TEC: variants seen among roughly 807,000 people sequenced by gnomAD.
The protein encoded by TEC is tyrosine-protein kinase Tec.
A neutral mutation model predicts 93.0 loss-of-function variants in TEC; 72 were observed. The ratio of observed to expected loss-of-function variants is 0.77; its 90% CI spans 0.64 to 0.94. The LOEUF (loss-of-function observed/expected upper bound fraction) is 0.94, where lower values mean the gene tolerates loss of function less well. Ranked by LOEUF, TEC falls within the 40% of genes least tolerant of loss-of-function variation. The pLI, the probability that TEC is intolerant of heterozygous loss-of-function variation, is 0.00. For missense variants in TEC, 630 were observed against 757.9 expected, an observed-to-expected ratio of 0.83 and a Z score of 1.98; for synonymous variants, 249 against 247.7, an observed-to-expected ratio of 1.01 and a Z score of -0.05.
At chr4:48,153,109 C>T (rs1005955621) in intron 9 of TEC, among the ~76,000 whole-genome samples, 1 of 151,740 alleles carries the variant, frequency 6.6e-6, no homozygotes, top group Admixed American at 6.6e-5. Context: ...AAAGGTATAG[C>T]AATTTCAGCA....
intron 8 of TEC, among the ~76,000 whole-genome samples, chr4:48,160,769 A>AGAAAGAAAG (rs1306160736): frequency 0.016 from 2,311 of 144,714 alleles, 35 homozygotes; most frequent in Non-Finnish European, 0.026. Flanking sequence ...AAGAAAAGAA[A>AGAAAGAAAG]AAAAGAAAGA....
At chr4:48,209,063 A>G (rs942063051) in intron 2 of TEC, among the ~76,000 whole-genome samples, 1 of 152,184 alleles carries the variant, frequency 6.6e-6, no homozygotes, top group Non-Finnish European at 1.5e-5. Context: ...GTTACTGGGT[A>G]GATATATTCC....
chr4:48,167,892 G>C lies in TEC; in HGVS notation c.557C>G (p.Ala186Gly). ...TTCTGCTGCTTGGAAATCATACATG[G>C]CTACAACGATTTCTTCACTATTATC... ...EEDNSEEIVV[A>G]MYDFQAAEGH... The change falls in exon 7 of 18, where the codon GCC becomes GGC. Residue 186 changes from alanine to glycine, a missense_variant. Ala to Gly is a moderately conservative substitution (Grantham distance 60). Around this residue, in one of 3 missense-constraint regions of TEC, gnomAD observed 335 missense variants for 351.5 expected, o/e 0.95. Coordinates refer to ENST00000381501, the MANE Select transcript of TEC (RefSeq NM_003215.3). 1 of 1,613,742 alleles carries C rather than the reference G, an allele frequency of 6.2e-7. No homozygotes were observed. Among genetic ancestry groups the C allele is most frequent in the Non-Finnish European group, 8.5e-7 (1 of 1,179,882 alleles).
At chr4:48,151,676 G>T (rs900992603) in intron 9 of TEC, among the ~76,000 whole-genome samples, 1 of 152,132 alleles carries the variant, frequency 6.6e-6, no homozygotes, top group African/African-American at 2.4e-5. Context: ...CAGTAGAGCC[G>T]GGGTTTCACT....
chr4:48,266,798 A>G (rs1223587738), intron 1 of TEC, among the ~76,000 whole-genome samples: 1 of 151,462 alleles, frequency 6.6e-6, no homozygotes, highest in Non-Finnish European at 1.5e-5. Flanking sequence ...AGATCGTGCC[A>G]TTGCATTCCA....
At chr4:48,208,223 G>C (rs80307876) in intron 2 of TEC, among the ~76,000 whole-genome samples, 37,795 of 152,038 alleles carry the variant, frequency 0.25, 5,447 homozygotes, top group Admixed American at 0.33. Flanking sequence ...CATAATATTT[G>C]GCCATGAAAG....
chr4:48,175,996 G>GCCAA, intron 3 of TEC, 86 bp downstream of exon 3: 1 of 881,738 alleles, frequency 1.1e-6, no homozygotes, highest in East Asian at 3.3e-5. Flanking sequence ...AAATCAGCCA[G>GCCAA]CAAAGCAAGG....
intron 2 of TEC, among the ~76,000 whole-genome samples, chr4:48,203,415 G>C (rs1305104811): frequency 1.3e-5 from 2 of 152,100 alleles, no homozygotes; most frequent in African/African-American, 4.8e-5. Flanking sequence ...GGTAGCACCA[G>C]TTTGCTCATT....
chr4:48,253,466 A>G (rs1262196892), intron 1 of TEC, among the ~76,000 whole-genome samples: 1 of 152,122 alleles, frequency 6.6e-6, no homozygotes, highest in Non-Finnish European at 1.5e-5. Flanking sequence ...TGTCATTTAC[A>G]AGATCATCCT....
At chr4:48,238,041 T>C (rs888012148) in intron 1 of TEC, among the ~76,000 whole-genome samples, 1 of 152,220 alleles carries the variant, frequency 6.6e-6, no homozygotes, top group Non-Finnish European at 1.5e-5. Context: ...CTGCAATATA[T>C]ACTCTCAGCT....
At chr4:48,201,720 G>A (rs1428488524) in intron 2 of TEC, among the ~76,000 whole-genome samples, 5 of 152,134 alleles carry the variant, frequency 3.3e-5, no homozygotes, top group Admixed American at 1.3e-4. Flanking sequence ...GGAAGGGGAC[G>A]GGAAGCAGAA....
At chr4:48,140,532 GC>G (rs1488616544) in intron 15 of TEC, among the ~76,000 whole-genome samples, 2 of 152,160 alleles carry the variant, frequency 1.3e-5, no homozygotes, top group Non-Finnish European at 2.9e-5. Context: ...TATGTAAAGG[GC>G]CAGATAACAC....
chr4:48,142,394 A>G (rs1382433418), intron 14 of TEC, among the ~76,000 whole-genome samples: 3 of 151,984 alleles, frequency 2.0e-5, no homozygotes, highest in Non-Finnish European at 4.4e-5. Flanking sequence ...AATTGCTTGA[A>G]CCCATGAGGT....
intron 2 of TEC, among the ~76,000 whole-genome samples, chr4:48,207,340 G>C (rs1722747702): frequency 6.6e-6 from 1 of 152,170 alleles, no homozygotes; most frequent in African/African-American, 2.4e-5. Flanking sequence ...TTCAGGTCTT[G>C]AGTTGCTGGG....
chr4:48,194,976 T>C (rs985004589), intron 2 of TEC, among the ~76,000 whole-genome samples: 1 of 152,222 alleles, frequency 6.6e-6, no homozygotes, highest in Non-Finnish European at 1.5e-5. Context: ...AAAATTATTT[T>C]TAAAACAATT....
At chr4:48,188,873 A>ATGTG (rs373806971) in intron 2 of TEC, among the ~76,000 whole-genome samples, 8 of 151,670 alleles carry the variant, frequency 5.3e-5, no homozygotes, top group African/African-American at 1.5e-4. Context: ...GTGTGTGTGC[A>ATGTG]TGTGTGTGTG....
intron 2 of TEC, among the ~76,000 whole-genome samples, chr4:48,179,688 A>C (rs2109562474): frequency 6.6e-6 from 1 of 152,078 alleles, no homozygotes. Context: ...ACATATAAAA[A>C]AGATGCTAAG....
chr4:48,205,825 C>G (rs1722697525), intron 2 of TEC, among the ~76,000 whole-genome samples: 1 of 152,206 alleles, frequency 6.6e-6, no homozygotes. Flanking sequence ...AAAGCCAAAG[C>G]AATTCAGCTC....
At chr4:48,142,716 C>T (rs1719731556) in intron 14 of TEC, among the ~76,000 whole-genome samples, 1 of 152,006 alleles carries the variant, frequency 6.6e-6, no homozygotes, top group Non-Finnish European at 1.5e-5. Flanking sequence ...GAGTCTCGCT[C>T]TGTCACCAGG....
Sources: gnomAD v4.1 joint callset for allele counts (sites outside exome capture counted in the v4.1 genomes callset) on GRCh38, gnomAD v4.1.1 for gene constraint, gnomAD v4.1.1 regional missense constraint, MANE v1.5 for transcripts, NCBI Gene and HGNC (gene_info 2026-07-23, HGNC 2026-07-21) for gene names.